Variants in TRAPPC9 observed in about 807,000 individuals in gnomAD.
TRAPPC9 encodes IKK2 binding protein.
Under a neutral mutation model 124.0 loss-of-function variants are expected in TRAPPC9, and 83 were observed. That is an observed-to-expected ratio of 0.67 (90% CI 0.56 to 0.80). The LOEUF (loss-of-function observed/expected upper bound fraction) is 0.80. TRAPPC9 is among the 30% of genes least tolerant of loss of function. The probability of loss-of-function intolerance (pLI) is 0.00; values close to 1 mark genes in which losing one functional copy is unlikely to be tolerated. For synonymous variants in TRAPPC9, 638 were observed against 617.5 expected (o/e 1.03, Z -0.49); for missense variants, 1,302 against 1,508.3 (o/e 0.86, Z 2.27).
At chr8:140,134,252 C>A (rs1203801689) in intron 17 of TRAPPC9, among the ~76,000 whole-genome samples, 3 of 151,104 alleles carry the variant, frequency 2.0e-5, no homozygotes, top group African/African-American at 7.3e-5. Context: ...ACTTCTATAG[C>A]CAATTGATTG....
intron 21 of TRAPPC9, among the ~76,000 whole-genome samples, chr8:139,880,072 C>G (rs1829582693): frequency 6.6e-6 from 1 of 152,146 alleles, no homozygotes; most frequent in Non-Finnish European, 1.5e-5. Context: ...TGTATATACA[C>G]AGATATATAA....
intron 21 of TRAPPC9, among the ~76,000 whole-genome samples, chr8:139,858,118 G>T (rs1203283876): frequency 6.6e-6 from 1 of 152,208 alleles, no homozygotes; most frequent in Non-Finnish European, 1.5e-5. Context: ...CTTGAAAAAT[G>T]AAATCTAAAA....
chr8:140,419,154 C>T (rs1306104341), intron 5 of TRAPPC9, among the ~76,000 whole-genome samples: 2 of 152,140 alleles, frequency 1.3e-5, no homozygotes, highest in Admixed American at 6.5e-5. Flanking sequence ...ATTGGCCGGG[C>T]GCGGTGACTC....
chr8:139,824,218 T>C (rs999275666), intron 21 of TRAPPC9, among the ~76,000 whole-genome samples: 26 of 152,218 alleles, frequency 1.7e-4, no homozygotes, highest in African/African-American at 6.3e-4. Flanking sequence ...CTGAGCGGTG[T>C]GTGTACAGAT....
rs1460917566 is a variant in TRAPPC9, at chr8:139,729,419, G to C, written c.*1642C>G. Among the ~76,000 whole-genome samples, 1 of 152,216 alleles carries C rather than the reference G, an allele frequency of 6.6e-6. No homozygotes were observed. The highest frequency in any genetic ancestry group is 1.5e-5 in the Non-Finnish European group (1 of 68,038). On this transcript the variant is annotated 3_prime_UTR_variant, in exon 23 of 23. Transcript: ENST00000438773. Reference sequence around the variant, plus strand: ...TCAACTACGCTGAGGCATCCTGAACGGAAGGGCTGAAGAGACCGCCCTGGG... The same window carrying C: ...TCAACTACGCTGAGGCATCCTGAACCGAAGGGCTGAAGAGACCGCCCTGGG...
chr8:139,966,992 A>G (rs1563647738), intron 19 of TRAPPC9, among the ~76,000 whole-genome samples: 1 of 152,232 alleles, frequency 6.6e-6, no homozygotes, highest in Non-Finnish European at 1.5e-5. Flanking sequence ...AGAGAGCAAA[A>G]AGTCAACGTA....
At chr8:139,998,782 T>C (rs1838208475) in intron 18 of TRAPPC9, among the ~76,000 whole-genome samples, 1 of 152,012 alleles carries the variant, frequency 6.6e-6, no homozygotes, top group African/African-American at 2.4e-5. Flanking sequence ...ATATGATGAA[T>C]ACAAGCTAAA....
chr8:139,919,610 C>A (rs1001979340), intron 19 of TRAPPC9, among the ~76,000 whole-genome samples: 11 of 152,158 alleles, frequency 7.2e-5, no homozygotes, highest in African/African-American at 2.7e-4. Flanking sequence ...GTATAAAATG[C>A]AAGATAAATA....
chr8:140,323,226 G>C (rs185093389), intron 9 of TRAPPC9, among the ~76,000 whole-genome samples: 1 of 152,320 alleles, frequency 6.6e-6, no homozygotes, highest in Non-Finnish European at 1.5e-5. Context: ...ACCTGGAGAG[G>C]CATGACAGCT....
chr8:140,207,970 G>A (rs2062966703), intron 17 of TRAPPC9, among the ~76,000 whole-genome samples: 1 of 152,082 alleles, frequency 6.6e-6, no homozygotes, highest in East Asian at 1.9e-4. Context: ...TGGCCAACAT[G>A]GAGAAACCCC....
intron 19 of TRAPPC9, among the ~76,000 whole-genome samples, chr8:139,982,139 T>TTGCTGC (rs34355094): frequency 6.6e-6 from 1 of 151,876 alleles, no homozygotes; most frequent in African/African-American, 2.4e-5. Flanking sequence ...TCCAGTAAAT[T>TTGCTGC]TGCTGCTGCT....
chr8:140,266,344 TC>T (rs2064652272), intron 15 of TRAPPC9, among the ~76,000 whole-genome samples: 1 of 151,158 alleles, frequency 6.6e-6, no homozygotes, highest in African/African-American at 2.4e-5. Context: ...ATACCTGGAG[TC>T]CCAGCTACTT....
chr8:140,190,374 C>T (rs913869782), intron 17 of TRAPPC9, among the ~76,000 whole-genome samples: 15 of 152,304 alleles, frequency 9.8e-5, no homozygotes, highest in African/African-American at 3.6e-4. Context: ...AGGAGAAGTG[C>T]TTGAACTCGG....
chr8:139,746,699 C>T lies in TRAPPC9; in HGVS notation c.3056-14497G>A, dbSNP rs116404419. Among the ~76,000 whole-genome samples, 263 of 152,334 alleles carry T rather than the reference C, an allele frequency of 1.7e-3. 2 individuals carry two copies. The highest frequency in any genetic ancestry group is 6.8e-3 in the Middle Eastern group (2 of 294). ...TGTGTTAGGTCCCTGGAATTTGGGG[C>T]TGTTTGTTACAGCATTTAGCTGTGA... On this transcript the variant is annotated intron_variant, in intron 21 of 22. Coordinates refer to ENST00000438773, the MANE Select transcript of TRAPPC9 (RefSeq NM_001160372.4).
chr8:140,069,792 G>A (rs1843055682), intron 17 of TRAPPC9, among the ~76,000 whole-genome samples: 1 of 152,168 alleles, frequency 6.6e-6, no homozygotes, highest in Non-Finnish European at 1.5e-5. Flanking sequence ...AGGAGCTGCA[G>A]GTCCGAAAGC....
At chr8:139,946,910 C>A (rs1834265605) in intron 19 of TRAPPC9, among the ~76,000 whole-genome samples, 1 of 152,046 alleles carries the variant, frequency 6.6e-6, no homozygotes, top group African/African-American at 2.4e-5. Flanking sequence ...TCGCTTGAAC[C>A]CAGGAGGCAG....
chr8:140,003,031 A>C (rs1169087963), intron 18 of TRAPPC9, among the ~76,000 whole-genome samples: 1 of 152,096 alleles, frequency 6.6e-6, no homozygotes, highest in Non-Finnish European at 1.5e-5. Flanking sequence ...AATTAAAAAT[A>C]TCTCTCTGTG....
At chr8:140,093,586 T>C (rs1006677934) in intron 17 of TRAPPC9, among the ~76,000 whole-genome samples, 4 of 151,892 alleles carry the variant, frequency 2.6e-5, no homozygotes, top group Non-Finnish European at 5.9e-5. Flanking sequence ...TAGAATTGCT[T>C]GAACTCAAGA....
chr8:140,311,861 G>A lies in TRAPPC9; in HGVS notation c.1496-487C>T, dbSNP rs550630118. On this transcript the variant is annotated intron_variant, in intron 9 of 22. Coordinates refer to ENST00000438773, the MANE Select transcript of TRAPPC9 (RefSeq NM_001160372.4). ...GCAAATATAGAGCTTTGTGAGAAAA[G>A]ACTGTTGTTCACCATCCTGCCCCCA... Among the ~76,000 whole-genome samples the A allele has an allele frequency of 3.3e-5, 5 of 149,504 alleles. No individual in the cohort carries two copies. The East Asian group carries it at 8.6e-4, about 26-fold the overall frequency.
Sources: gnomAD v4.1 joint callset for allele counts (sites outside exome capture counted in the v4.1 genomes callset) on GRCh38, gnomAD v4.1.1 for gene constraint, MANE v1.5 for transcripts, NCBI Gene and HGNC (gene_info 2026-07-23, HGNC 2026-07-21) for gene names.